The following DHX8 variants were observed in gnomAD, a reference collection of about 807,000 sequenced individuals.
DHX8 encodes the protein ATP-dependent RNA helicase DHX8.
A neutral mutation model predicts 140.7 loss-of-function variants in DHX8; 67 were observed. That is an observed-to-expected ratio of 0.48 (90% CI 0.39 to 0.58). The LOEUF (loss-of-function observed/expected upper bound fraction) is 0.58. DHX8 is among the 20% of genes least tolerant of loss of function. The pLI, the probability that DHX8 is intolerant of heterozygous loss-of-function variation, is 0.00. For missense variants in DHX8, 887 were observed against 1,550.7 expected (o/e 0.57, Z 7.19); for synonymous variants, 533 against 553.2 (o/e 0.96, Z 0.51).
intron 4 of DHX8, among the ~76,000 whole-genome samples, 197 bp from the exon 5 acceptor site, chr17:43,491,986 G>A (rs1346426020): frequency 6.6e-6 from 1 of 152,156 alleles, no homozygotes; most frequent in Non-Finnish European, 1.5e-5. Flanking sequence ...AAGGACAGAG[G>A]GGATTTGTCA....
chr17:43,529,228 C>A (rs775535898), downstream of DHX8: 3 of 1,613,902 alleles, frequency 1.9e-6, no homozygotes, highest in Non-Finnish European at 1.7e-6. Context: ...TGCCCCAGAG[C>A]CTGGCGACCT....
chr17:43,539,125 T>C (rs190320399), intron 3 of DHX8, among the ~76,000 whole-genome samples: 14 of 152,256 alleles, frequency 9.2e-5, no homozygotes, highest in African/African-American at 3.1e-4. Flanking sequence ...AATAAAATCA[T>C]TTCTCTCTGT....
In DHX8 at chr17:43,523,865, T is replaced by C; in HGVS notation, c.*18T>C. The C allele has an allele frequency of 6.2e-7, 1 of 1,614,012 alleles. No homozygotes were observed. Among genetic ancestry groups the C allele is most frequent in the South Asian group, 1.1e-5 (1 of 91,050 alleles). On this transcript the variant is annotated 3_prime_UTR_variant, in exon 23 of 23. Transcript: ENST00000262415. ...GGCGCTGAAAGGCAAGATTGTTCCT[T>C]TGCCTCTCCAGCAGCAGTAGCCAGG...
rs895421644 is a variant in DHX8, at chr17:43,492,727, C to T, written c.550C>T (p.Arg184Ter). 1.2e-6 allele frequency: 2 copies of T among 1,612,322 alleles called. No individual in the cohort carries two copies. The highest frequency in any genetic ancestry group is 2.2e-5 in the East Asian group (1 of 44,876). Residue 184 changes from arginine (R) to a stop codon, truncating the protein, a stop_gained, in exon 6 of 23, where the codon CGA becomes TGA. Transcript: ENST00000262415. LOFTEE classifies it high-confidence loss of function. The part of the protein sequence containing the change: ...KKRSRSRDRN[R>*]DRDRDRERNR... Reference sequence around the variant, plus strand: ...GCGGAGTCGAAGCCGAGATCGAAACCGAGATCGAGACAGAGATAGGGAACG... The same window carrying T: ...GCGGAGTCGAAGCCGAGATCGAAACTGAGATCGAGACAGAGATAGGGAACG...
chr17:43,496,324 G>A, intron 9 of DHX8, 56 bp downstream of exon 9: 1 of 1,276,904 alleles, frequency 7.8e-7, no homozygotes, highest in Non-Finnish European at 1.1e-6. Context: ...ATTGAATTGG[G>A]TGATTTGCCT....
chr17:43,542,381 C>T, intron 3 of DHX8, among the ~76,000 whole-genome samples: 1 of 152,106 alleles, frequency 6.6e-6, no homozygotes, highest in South Asian at 2.1e-4. Context: ...GCCCTTACTA[C>T]CAAATAGACA....
At chr17:43,499,322 A>G (rs1969051142) in intron 10 of DHX8, among the ~76,000 whole-genome samples, 1 of 152,196 alleles carries the variant, frequency 6.6e-6, no homozygotes, top group Non-Finnish European at 1.5e-5. Flanking sequence ...AAGCTGTAGC[A>G]CTGGGTGCTG....
chr17:43,527,305 G>T (rs1319618989), downstream of DHX8, among the ~76,000 whole-genome samples: 1 of 152,156 alleles, frequency 6.6e-6, no homozygotes, highest in Non-Finnish European at 1.5e-5. Flanking sequence ...GTACCATCTG[G>T]CCTGGGAGCC....
chr17:43,495,600 C>G (rs1013208043), intron 8 of DHX8, among the ~76,000 whole-genome samples: 21 of 152,084 alleles, frequency 1.4e-4, no homozygotes, highest in African/African-American at 4.8e-4. Flanking sequence ...AATAAATGTA[C>G]CAGAGTGCTG....
At chr17:43,516,661 C>A (rs1970127531) in intron 17 of DHX8, among the ~76,000 whole-genome samples, 1 of 152,112 alleles carries the variant, frequency 6.6e-6, no homozygotes, top group African/African-American at 2.4e-5. Context: ...ATTGCCCTGG[C>A]TGATCTCGAA....
intron 8 of DHX8, among the ~76,000 whole-genome samples, chr17:43,495,965 G>A (rs1028102423): frequency 6.6e-6 from 1 of 152,074 alleles, no homozygotes; most frequent in Non-Finnish European, 1.5e-5. Context: ...AGGTATTATG[G>A]TGTGCGCCAC....
At chr17:43,501,491 TTTTG>T (rs1969193305) in intron 11 of DHX8, among the ~76,000 whole-genome samples, 1 of 152,218 alleles carries the variant, frequency 6.6e-6, no homozygotes, top group South Asian at 2.1e-4. Context: ...TTGTTGTTGT[TTTTG>T]TTTCTGAGAC....
At chr17:43,522,292 T>C in intron 22 of DHX8, 66 bp downstream of exon 22, 1 of 1,503,158 alleles carries the variant, frequency 6.7e-7, no homozygotes. Context: ...AATTTCCTGG[T>C]ATTTTGTGAT....
intron 12 of DHX8, 75 bp from the exon 13 acceptor site, chr17:43,506,928 T>A (rs1969527480): frequency 9.4e-6 from 11 of 1,170,114 alleles, no homozygotes; most frequent in Non-Finnish European, 1.2e-5. Flanking sequence ...AATGACCATA[T>A]TTATATTCTG....
intron 17 of DHX8, among the ~76,000 whole-genome samples, chr17:43,516,769 T>C (rs1970135123): frequency 6.6e-6 from 1 of 152,212 alleles, no homozygotes; most frequent in African/African-American, 2.4e-5. Flanking sequence ...ATTTTTAAAA[T>C]GACTGCAGAG....
At position 43,489,438 on chromosome 17, in the gene DHX8, C is replaced by G. The variant is rs1968368525; in HGVS notation, c.149-11C>G. On this transcript the variant is annotated splice_polypyrimidine_tract_variant and intron_variant, in intron 1 of 22. Coordinates refer to ENST00000262415, the MANE Select transcript of DHX8 (RefSeq NM_004941.3). ...GTCTCTTCTTTTCTGAATTCTGTTT[C>G]TTATTTGCAGCTGAATTTGTGATCA... 1 of 1,587,162 alleles carries G rather than the reference C, an allele frequency of 6.3e-7. No individual in the cohort carries two copies. Among genetic ancestry groups the G allele is most frequent in the East Asian group, 2.2e-5 (1 of 44,680 alleles).
chr17:43,523,284 C>T (rs190182415), intron 22 of DHX8, among the ~76,000 whole-genome samples: 8 of 152,280 alleles, frequency 5.3e-5, no homozygotes, highest in Non-Finnish European at 8.8e-5. Flanking sequence ...GGCCCCTCTT[C>T]AGAGCCCTAG....
chr17:43,537,891 G>A (rs1203265197), intron 3 of DHX8, among the ~76,000 whole-genome samples: 1 of 152,198 alleles, frequency 6.6e-6, no homozygotes, highest in Non-Finnish European at 1.5e-5. Flanking sequence ...CACTTTGGGA[G>A]GCTGAGGCGG....
chr17:43,538,813 C>G (rs1171888186), intron 3 of DHX8, among the ~76,000 whole-genome samples: 1 of 152,014 alleles, frequency 6.6e-6, no homozygotes, highest in African/African-American at 2.4e-5. Context: ...ACTCTCCTTC[C>G]CTGGAGACTG....
Sources: allele counts gnomAD v4.1 joint callset (sites outside exome capture counted in the v4.1 genomes callset), GRCh38; gene constraint gnomAD v4.1.1; transcripts MANE v1.5; gene names NCBI Gene and HGNC (gene_info 2026-07-23, HGNC 2026-07-21).